RBFOX1: variants seen among roughly 807,000 people sequenced by gnomAD.
The protein encoded by RBFOX1 is RNA binding protein fox-1 homolog 1.
RBFOX1 carries 8 observed loss-of-function variants against 57.7 expected under a neutral mutation model. That is an observed-to-expected ratio of 0.14 (90% CI 0.08 to 0.25). RBFOX1 has a LOEUF of 0.25. RBFOX1 is among the 10% of genes least tolerant of loss of function. RBFOX1 has a pLI of 1.00. For synonymous variants in RBFOX1, 326 were observed against 222.4 expected (o/e 1.47, Z -4.15); for missense variants, 611 against 548.5 (o/e 1.11, Z -1.14).
intron 2 of RBFOX1, among the ~76,000 whole-genome samples, chr16:6,516,863 A>G (rs2096389671): frequency 6.6e-6 from 1 of 152,168 alleles, no homozygotes; most frequent in Admixed American, 6.6e-5. Context: ...ACAGTGGGGT[A>G]TTATGGGAAT....
At chr16:7,670,050 G>C (rs974561759) in intron 13 of RBFOX1, among the ~76,000 whole-genome samples, 3 of 152,036 alleles carry the variant, frequency 2.0e-5, no homozygotes, top group African/African-American at 7.2e-5. Context: ...ACTTTTTTGG[G>C]AGACATAGCC....
intron 3 of RBFOX1, among the ~76,000 whole-genome samples, chr16:6,942,915 C>A (rs1187005112): frequency 1.3e-5 from 2 of 152,156 alleles, no homozygotes; most frequent in African/African-American, 4.8e-5. Flanking sequence ...AGTTGTGGTA[C>A]CGACAGGGCT....
At chr16:7,007,041 G>A (rs1229818871) in intron 3 of RBFOX1, among the ~76,000 whole-genome samples, 1 of 152,176 alleles carries the variant, frequency 6.6e-6, no homozygotes, top group African/African-American at 2.4e-5. Flanking sequence ...GAGAAATCTA[G>A]TTGGCTCATC....
chr16:6,397,700 T>C (rs950386742), intron 2 of RBFOX1, among the ~76,000 whole-genome samples: 4 of 152,204 alleles, frequency 2.6e-5, no homozygotes, highest in African/African-American at 9.6e-5. Context: ...CATCACTGTT[T>C]TTTGGAGTTT....
intron 3 of RBFOX1, among the ~76,000 whole-genome samples, chr16:7,033,562 A>G (rs2043382890): frequency 6.6e-6 from 1 of 152,184 alleles, no homozygotes; most frequent in African/African-American, 2.4e-5. Flanking sequence ...CTTTAAGAGG[A>G]CAGAGCTGAT....
intron 2 of RBFOX1, among the ~76,000 whole-genome samples, chr16:5,468,755 CATT>C (rs2069033365): frequency 6.6e-6 from 1 of 152,236 alleles, no homozygotes; most frequent in African/African-American, 2.4e-5. Flanking sequence ...ATCTTGAACA[CATT>C]ATGCTGTGTA....
At chr16:7,459,860 C>T (rs1405508298) in intron 4 of RBFOX1, among the ~76,000 whole-genome samples, 1 of 151,962 alleles carries the variant, frequency 6.6e-6, no homozygotes, top group African/African-American at 2.4e-5. Context: ...CTACTTTTAC[C>T]CTACCCACTT....
intron 3 of RBFOX1, among the ~76,000 whole-genome samples, chr16:7,034,841 C>CTTTT (rs1255430430): frequency 7.7e-4 from 30 of 39,138 alleles, no homozygotes; most frequent in African/African-American, 2.9e-3. Flanking sequence ...TTTTTTTTTT[C>CTTTT]TTTTTTCTTT....
In RBFOX1 at chr16:7,630,651, G is replaced by T; in HGVS notation, c.725G>T (p.Ser242Ile). 1.2e-6 allele frequency: 2 copies of T among 1,614,124 alleles called. No homozygotes were observed. The highest frequency in any genetic ancestry group is 1.1e-5 in the South Asian group (1 of 91,078). Reference sequence around the variant, plus strand: ...AACCAGGAGGGATCTTCCATGTACAGTGCCCCCAGTTCACTTGTATATACT... The same window carrying T: ...AACCAGGAGGGATCTTCCATGTACATTGCCCCCAGTTCACTTGTATATACT... ...QANQEGSSMY[S>I]APSSLVYTSA... The change falls in exon 11 of 16, where the codon AGT becomes ATT. Residue 242 changes from serine to isoleucine, a missense_variant. By Grantham distance (142) the Ser-to-Ile change is moderately radical. Transcript: ENST00000550418.
At chr16:7,156,559 G>C (rs893282196) in intron 4 of RBFOX1, among the ~76,000 whole-genome samples, 2 of 151,982 alleles carry the variant, frequency 1.3e-5, no homozygotes. Flanking sequence ...ATATACATAT[G>C]TGTACATATG....
intron 4 of RBFOX1, among the ~76,000 whole-genome samples, chr16:7,198,134 T>A (rs769829480): frequency 2.8e-4 from 42 of 148,930 alleles, no homozygotes; most frequent in Non-Finnish European, 5.5e-4. Context: ...GCCTCCCAAG[T>A]AGCTGGGACT....
At chr16:5,974,304 C>T (rs934040229) in intron 4 of RBFOX1, among the ~76,000 whole-genome samples, 1 of 152,116 alleles carries the variant, frequency 6.6e-6, no homozygotes, top group African/African-American at 2.4e-5. Context: ...AAGAGAGAAA[C>T]ATACCTGATT....
chr16:5,330,657 T>G (rs1401473576), intron 1 of RBFOX1, among the ~76,000 whole-genome samples: 1 of 151,662 alleles, frequency 6.6e-6, no homozygotes, highest in African/African-American at 2.4e-5. Flanking sequence ...TGCCTGCATC[T>G]GCCTCCCAAA....
intron 2 of RBFOX1, among the ~76,000 whole-genome samples, chr16:5,546,840 A>G (rs1004592216): frequency 6.6e-6 from 1 of 152,198 alleles, no homozygotes; most frequent in Non-Finnish European, 1.5e-5. Context: ...TTTGGAGAAA[A>G]TGTCTGCAAA....
At chr16:6,806,817 A>AATATATATATATATATAT (rs1250190342) in intron 3 of RBFOX1, among the ~76,000 whole-genome samples, 52 of 85,088 alleles carry the variant, frequency 6.1e-4, no homozygotes, top group East Asian at 9.3e-4. Flanking sequence ...TAAATATATA[A>AATATATATATATATATAT]ATATATATAT....
intron 2 of RBFOX1, among the ~76,000 whole-genome samples, chr16:6,529,796 C>A (rs141939612): frequency 6.6e-6 from 1 of 152,064 alleles, no homozygotes; most frequent in Non-Finnish European, 1.5e-5. Context: ...ATCTGAACTG[C>A]ATGTCTTGTT....
chr16:6,584,450 C>G (rs1186277467), intron 2 of RBFOX1, among the ~76,000 whole-genome samples: 1 of 151,464 alleles, frequency 6.6e-6, no homozygotes, highest in Non-Finnish European at 1.5e-5. Flanking sequence ...ACACTCCAAC[C>G]TCTGCCTCCT....
intron 2 of RBFOX1, among the ~76,000 whole-genome samples, chr16:6,338,561 T>G (rs1356158084): frequency 6.6e-6 from 1 of 152,202 alleles, no homozygotes; most frequent in Admixed American, 6.5e-5. Flanking sequence ...CTAAAATATT[T>G]TTTTAAAAAC....
intron 4 of RBFOX1, among the ~76,000 whole-genome samples, chr16:7,413,841 A>G (rs1045817541): frequency 2.0e-5 from 3 of 152,088 alleles, no homozygotes; most frequent in South Asian, 2.1e-4. Flanking sequence ...TTTCTACCCT[A>G]TAAATTGAGG....
Sources: gnomAD v4.1 joint callset for allele counts (sites outside exome capture counted in the v4.1 genomes callset) on GRCh38, gnomAD v4.1.1 for gene constraint, MANE v1.5 for transcripts, NCBI Gene and HGNC (gene_info 2026-07-23, HGNC 2026-07-21) for gene names.